DCDC1: variants seen among roughly 807,000 people sequenced by gnomAD.
DCDC1 encodes doublecortin domain-containing protein 1.
A neutral mutation model predicts 178.3 loss-of-function variants in DCDC1; 200 were observed. The observed-to-expected ratio is 1.12, with a 90% CI of 1.00 to 1.26. The LOEUF (loss-of-function observed/expected upper bound fraction) is 1.26, where lower values mean the gene tolerates loss of function less well. DCDC1 is among the 50% of genes most tolerant of loss of function. DCDC1 has a pLI of 0.00. For missense variants in DCDC1, 1,983 were observed against 1,749.2 expected, an observed-to-expected ratio of 1.13 and a Z score of -2.38; for synonymous variants, 690 against 604.8, an observed-to-expected ratio of 1.14 and a Z score of -2.07.
intron 20 of DCDC1, among the ~76,000 whole-genome samples, chr11:30,971,243 CA>C (rs1012216192): frequency 4.0e-5 from 6 of 150,602 alleles, no homozygotes; most frequent in Non-Finnish European, 5.9e-5. Context: ...AAGACACACA[CA>C]AAAAAAAGAA....
intron 9 of DCDC1, among the ~76,000 whole-genome samples, chr11:31,191,022 C>T (rs1970073430): frequency 6.6e-6 from 1 of 152,026 alleles, no homozygotes; most frequent in Non-Finnish European, 1.5e-5. Context: ...CTAGGTACAT[C>T]CTCCCATATA....
At chr11:31,213,340 G>A (rs879475628) in intron 9 of DCDC1, among the ~76,000 whole-genome samples, 2 of 151,722 alleles carry the variant, frequency 1.3e-5, no homozygotes, top group African/African-American at 2.4e-5. Flanking sequence ...TTTAATTCCT[G>A]CCTGGCTCCT....
rs999682314 is a variant in DCDC1 at position 31,238,894 on chromosome 11, C to A, written c.1221+2556G>T. 2.6e-5 allele frequency among the ~76,000 whole-genome samples: 4 copies of A among 152,118 alleles called. No homozygotes were observed. In the South Asian group the frequency reaches 6.2e-4, roughly 24 times the overall value. On this transcript the variant is annotated intron_variant, in intron 9 of 38. Coordinates refer to ENST00000684477, the MANE Select transcript of DCDC1 (RefSeq NM_001387274.1). ...CCACCCTAATGTAGTGTGCTTAAAT[C>A]AGTTGCATGCTATAACAGCCAAGCT... is the stretch of plus-strand genomic sequence containing the variant.
At chr11:31,161,026 A>C (rs1218122735) in intron 9 of DCDC1, among the ~76,000 whole-genome samples, 1 of 152,190 alleles carries the variant, frequency 6.6e-6, no homozygotes, top group African/African-American at 2.4e-5. Flanking sequence ...ATTAAAATTC[A>C]TTATAACATT....
At chr11:31,228,895 T>C (rs1266154770) in intron 9 of DCDC1, among the ~76,000 whole-genome samples, 1 of 151,910 alleles carries the variant, frequency 6.6e-6, no homozygotes, top group African/African-American at 2.4e-5. Flanking sequence ...CATGGAGGAA[T>C]ACTGGAAGGG....
intron 1 of DCDC1, among the ~76,000 whole-genome samples, chr11:31,359,599 A>G (rs2133373090): frequency 6.6e-6 from 1 of 152,208 alleles, no homozygotes; most frequent in East Asian, 1.9e-4. Context: ...AAAAAAAGAA[A>G]GAAAATGTCC....
intron 9 of DCDC1, among the ~76,000 whole-genome samples, chr11:31,209,374 A>T (rs1972238154): frequency 6.6e-6 from 1 of 152,210 alleles, no homozygotes; most frequent in Non-Finnish European, 1.5e-5. Context: ...GGGAAGTAAA[A>T]CCAGAAGAGT....
chr11:30,914,632 C>CA (rs11355322), intron 27 of DCDC1, among the ~76,000 whole-genome samples: 1,685 of 100,614 alleles, frequency 0.017, 25 homozygotes, highest in South Asian at 0.11. Flanking sequence ...CATATGCACC[C>CA]AAAAAAAAAA....
At chr11:31,079,699 A>G (rs1401468100) in intron 17 of DCDC1, among the ~76,000 whole-genome samples, 3 of 152,214 alleles carry the variant, frequency 2.0e-5, no homozygotes, top group Non-Finnish European at 4.4e-5. Flanking sequence ...TTGATGTGAA[A>G]AAAAAAATAA....
intron 3 of DCDC1, among the ~76,000 whole-genome samples, chr11:31,315,735 ATGCTGGTGCGC>A (rs1461850521): frequency 8.9e-6 from 1 of 112,636 alleles, no homozygotes; most frequent in Non-Finnish European, 1.7e-5. Context: ...TACATGTGCC[ATGCTGGTGCGC>A]TGCACCCACT....
intron 20 of DCDC1, among the ~76,000 whole-genome samples, chr11:31,057,034 C>A (rs568152760): frequency 2.1e-4 from 32 of 152,018 alleles, no homozygotes; most frequent in African/African-American, 3.9e-4. Flanking sequence ...AAGTTGGAGA[C>A]CAGCCTGGCC....
intron 7 of DCDC1, among the ~76,000 whole-genome samples, chr11:31,276,474 A>T (rs907014006): frequency 6.7e-6 from 1 of 148,820 alleles, no homozygotes; most frequent in Non-Finnish European, 1.5e-5. Context: ...TTTTTATAGA[A>T]TTTTTTTTTT....
At chr11:30,869,008 C>T (rs1941287621) in intron 38 of DCDC1, among the ~76,000 whole-genome samples, 1 of 152,208 alleles carries the variant, frequency 6.6e-6, no homozygotes, top group South Asian at 2.1e-4. Flanking sequence ...CAGAGAGCAG[C>T]CTCTCCCTTC....
intron 7 of DCDC1, among the ~76,000 whole-genome samples, chr11:31,289,550 C>G (rs1298665184): frequency 6.6e-6 from 1 of 151,988 alleles, no homozygotes; most frequent in East Asian, 1.9e-4. Context: ...ATCTAGTCAA[C>G]TATTCACCTG....
At chr11:30,963,723 T>G (rs1949256814) in intron 20 of DCDC1, among the ~76,000 whole-genome samples, 1 of 152,086 alleles carries the variant, frequency 6.6e-6, no homozygotes, top group African/African-American at 2.4e-5. Context: ...TAAACTATCA[T>G]GCAAACAGAA....
intron 8 of DCDC1, among the ~76,000 whole-genome samples, chr11:31,255,006 G>A (rs970888427): frequency 4.6e-5 from 7 of 151,918 alleles, no homozygotes; most frequent in Admixed American, 6.6e-5. Context: ...GGATTTATTC[G>A]CTCTGGATGT....
rs1946188596 is a variant in DCDC1 at position 30,920,693 on chromosome 11, C to CATGG, written c.3293+79_3293+82dup. 74 of 1,513,740 alleles carry CATGG rather than the reference C, an allele frequency of 4.9e-5. 1 individual carries two copies. The South Asian group carries it at 9.6e-4, about 20-fold the overall frequency. 93.8% of individuals were successfully genotyped at this position (1,513,740 alleles called of 1,614,324 possible). A position where few individuals can be genotyped will look rare whatever the true frequency, so the allele number is the denominator to read the frequency against. ...TCACAAACTTGGCATGAGCTCCCTG[C>CATGG]ATGGGCTCTGTGCTGTTATCGGGCT... On this transcript the variant is annotated intron_variant, in intron 25 of 38. Transcript: ENST00000684477.
intron 8 of DCDC1, among the ~76,000 whole-genome samples, chr11:31,245,843 G>T (rs1943516226): frequency 6.6e-6 from 1 of 151,922 alleles, no homozygotes; most frequent in Non-Finnish European, 1.5e-5. Context: ...TGTTAAATAA[G>T]AAAATAAACT....
chr11:31,099,597 C>A (rs986923178), intron 15 of DCDC1, among the ~76,000 whole-genome samples: 1 of 151,894 alleles, frequency 6.6e-6, no homozygotes, highest in African/African-American at 2.4e-5. Flanking sequence ...TTGTAAATGG[C>A]GCAGAAGGGA....
Sources: gnomAD v4.1 joint callset for allele counts (sites outside exome capture counted in the v4.1 genomes callset) on GRCh38, gnomAD v4.1.1 for gene constraint, MANE v1.5 for transcripts, NCBI Gene and HGNC (gene_info 2026-07-23, HGNC 2026-07-21) for gene names.